The following LDLRAD4 variants were observed in gnomAD, a reference collection of about 807,000 sequenced individuals.
The protein encoded by LDLRAD4 is low density lipoprotein receptor class A domain containing 4, also known as low-density lipoprotein receptor class A domain-containing protein 4.
Under a neutral mutation model 17.0 loss-of-function variants are expected in LDLRAD4, and 5 were observed. The observed-to-expected ratio is 0.29, with a 90% CI of 0.15 to 0.62. LDLRAD4 has a LOEUF of 0.62. Among genes scored for constraint, LDLRAD4 ranks in the 20% least tolerant of loss-of-function variants. The probability of loss-of-function intolerance (pLI) is 0.84; values close to 1 mark genes in which losing one functional copy is unlikely to be tolerated. For synonymous variants in LDLRAD4, 168 were observed against 171.8 expected, an observed-to-expected ratio of 0.98 and a Z score of 0.17; for missense variants, 340 against 424.7, an observed-to-expected ratio of 0.80 and a Z score of 1.75.
rs576321925 is a variant in LDLRAD4 at position 13,429,481 on chromosome 18, G to A, written c.41-8763G>A. On this transcript the variant is annotated intron_variant, in intron 2 of 5. Transcript: ENST00000359446. Reference sequence around the variant, plus strand: ...TAATCAGTGTGTGTCAAAATGTCCAGAATTCAGGAATCCATTTTTAAAGTT... The same window carrying A: ...TAATCAGTGTGTGTCAAAATGTCCAAAATTCAGGAATCCATTTTTAAAGTT... Among the ~76,000 whole-genome samples, 18 of 152,336 alleles carry A rather than the reference G, an allele frequency of 1.2e-4. No individual in the cohort carries two copies. In the South Asian group the frequency reaches 3.7e-3, roughly 32 times the overall value.
At chr18:13,285,011 C>T (rs1044005473) in intron 1 of LDLRAD4, among the ~76,000 whole-genome samples, 1 of 152,192 alleles carries the variant, frequency 6.6e-6, no homozygotes, top group African/African-American at 2.4e-5. Context: ...CTCCCCTTGA[C>T]GTCCTGACAT....
chr18:13,612,550 C>T (rs1188197065), intron 3 of LDLRAD4: 6 of 1,444,096 alleles, frequency 4.2e-6, no homozygotes, highest in South Asian at 2.9e-5. Context: ...AACACACCCC[C>T]CCCCCCTCCA....
chr18:13,525,116 C>G lies in LDLRAD4; in HGVS notation c.181+86732C>G, dbSNP rs181392741. On this transcript the variant is annotated intron_variant, in intron 3 of 5. Transcript: ENST00000359446. The stretch of plus-strand genomic sequence containing the variant: ...GTCTAGGTGCAAGGACTAAATTCAT[C>G]TGGATACGGTGCTTTGTGATGAAGT... Among the ~76,000 whole-genome samples the G allele has an allele frequency of 1.8e-3, 269 of 152,324 alleles. 1 individual carries two copies. Among genetic ancestry groups the G allele is most frequent in the African/African-American group, 6.1e-3 (254 of 41,566 alleles).
intron 2 of LDLRAD4, among the ~76,000 whole-genome samples, chr18:13,407,316 A>AT (rs1177587153): frequency 1.3e-5 from 2 of 151,994 alleles, no homozygotes; most frequent in Non-Finnish European, 1.5e-5. Context: ...GGAAAATGTA[A>AT]TTTTTTCTTC....
chr18:13,293,854 C>T (rs973766107), intron 1 of LDLRAD4, among the ~76,000 whole-genome samples: 8 of 152,188 alleles, frequency 5.3e-5, no homozygotes, highest in Non-Finnish European at 1.2e-4. Flanking sequence ...CGGCTTTCCC[C>T]CCTTGCTTTA....
chr18:13,446,827 C>T lies in LDLRAD4; in HGVS notation c.181+8443C>T, dbSNP rs1040398916. 3.9e-5 allele frequency among the ~76,000 whole-genome samples: 6 copies of T among 152,396 alleles called. No homozygotes were observed. The East Asian group carries it at 1.2e-3, about 29-fold the overall frequency. On this transcript the variant is annotated intron_variant, in intron 3 of 5. Coordinates refer to ENST00000359446, the Ensembl canonical transcript of LDLRAD4. Reference sequence around the variant, plus strand: ...CTTTTAGCCTCTGATCCCCAGTTTCCCTCTGACTCTTGTCTGAGCGCATTG... The same window carrying T: ...CTTTTAGCCTCTGATCCCCAGTTTCTCTCTGACTCTTGTCTGAGCGCATTG...
chr18:13,480,060 G>T (rs138714496), intron 3 of LDLRAD4, among the ~76,000 whole-genome samples: 1 of 152,048 alleles, frequency 6.6e-6, no homozygotes, highest in Non-Finnish European at 1.5e-5. Context: ...TGTGCTCCTC[G>T]GTATTTACAC....
intron 3 of LDLRAD4, among the ~76,000 whole-genome samples, chr18:13,441,113 A>T (rs1311831586): frequency 6.6e-6 from 1 of 152,170 alleles, no homozygotes; most frequent in East Asian, 1.9e-4. Context: ...CACCTCTGCC[A>T]GGTGTGTGGC....
At chr18:13,561,958 A>G (rs1257059916) in intron 3 of LDLRAD4, 1 of 152,258 alleles carries the variant, frequency 6.6e-6, no homozygotes, top group African/African-American at 2.4e-5. Context: ...CAAAAGAAAA[A>G]GTACAAAGTC....
intron 1 of LDLRAD4, among the ~76,000 whole-genome samples, chr18:13,383,172 T>C (rs931941388): frequency 1.3e-5 from 2 of 152,210 alleles, no homozygotes; most frequent in East Asian, 1.9e-4. Context: ...TGCTGAGCCT[T>C]CTCTGCGCTG....
intron 4 of LDLRAD4, among the ~76,000 whole-genome samples, chr18:13,623,315 C>T (rs926904874): frequency 1.3e-5 from 2 of 152,216 alleles, no homozygotes; most frequent in Non-Finnish European, 2.9e-5. Flanking sequence ...TGAAGACATT[C>T]GGCAGCCAGT....
chr18:13,293,256 A>G (rs2046071542), intron 1 of LDLRAD4, among the ~76,000 whole-genome samples: 1 of 152,194 alleles, frequency 6.6e-6, no homozygotes, highest in South Asian at 2.1e-4. Flanking sequence ...GGGTAAAAGG[A>G]GAGGAGACAA....
At chr18:13,489,313 C>T (rs1280579618) in intron 3 of LDLRAD4, 2 of 152,210 alleles carry the variant, frequency 1.3e-5, no homozygotes, top group African/African-American at 2.4e-5. Context: ...CACCACCACA[C>T]CTGGCTGATT....
intron 1 of LDLRAD4, among the ~76,000 whole-genome samples, chr18:13,290,333 G>A (rs1391639378): frequency 1.3e-5 from 2 of 152,198 alleles, no homozygotes; most frequent in Non-Finnish European, 2.9e-5. Flanking sequence ...GATAGTTTCA[G>A]AGTTTGTAGC....
intron 1 of LDLRAD4, among the ~76,000 whole-genome samples, chr18:13,226,180 C>CTTTTTTTGTTTTTTTTTT (rs2041783604): frequency 7.7e-5 from 4 of 52,208 alleles, no homozygotes; most frequent in Admixed American, 3.6e-4. Context: ...CCATGCCTTG[C>CTTTTTTTGTTTTTTTTTT]TTTTTTTTTT....
At chr18:13,626,416 C>T (rs966187601) in intron 4 of LDLRAD4, among the ~76,000 whole-genome samples, 1 of 152,066 alleles carries the variant, frequency 6.6e-6, no homozygotes, top group Non-Finnish European at 1.5e-5. Flanking sequence ...CAGCCTGGCC[C>T]AGAGGGTCCA....
At chr18:13,611,361 T>A (rs1311866393) in intron 3 of LDLRAD4, 1 of 520,316 alleles carries the variant, frequency 1.9e-6, no homozygotes, top group African/African-American at 2.1e-5. Context: ...GTGGTGGGGG[T>A]TATTTGCAGC....
At chr18:13,531,385 G>A (rs551888315) in intron 3 of LDLRAD4, among the ~76,000 whole-genome samples, 6 of 151,214 alleles carry the variant, frequency 4.0e-5, no homozygotes, top group African/African-American at 1.5e-4. Flanking sequence ...AAATGCAGGA[G>A]GACTGCTTGA....
intron 3 of LDLRAD4, among the ~76,000 whole-genome samples, chr18:13,588,722 C>G (rs962994273): frequency 6.6e-6 from 1 of 152,034 alleles, no homozygotes; most frequent in Non-Finnish European, 1.5e-5. Flanking sequence ...TTGAATTGTT[C>G]TTGTGCTGTC....
Sources: allele counts gnomAD v4.1 joint callset (sites outside exome capture counted in the v4.1 genomes callset), GRCh38; gene constraint gnomAD v4.1.1; transcripts MANE v1.5; gene names NCBI Gene and HGNC (gene_info 2026-07-23, HGNC 2026-07-21).